The following USP16 variants were observed in gnomAD, a reference collection of about 807,000 sequenced individuals.
USP16 encodes ubiquitin specific peptidase 16.
USP16 carries 77 observed loss-of-function variants against 95.9 expected under a neutral mutation model. The ratio of observed to expected loss-of-function variants is 0.80; its 90% CI spans 0.67 to 0.97. The LOEUF is 0.97. Ranked by LOEUF, USP16 falls within the 50% of genes least tolerant of loss-of-function variation. The probability of loss-of-function intolerance (pLI) is 0.00; values close to 1 mark genes in which losing one functional copy is unlikely to be tolerated. For missense variants in USP16, 943 were observed against 959.9 expected (o/e 0.98, Z 0.23); for synonymous variants, 303 against 318.2 (o/e 0.95, Z 0.51).
chr21:29,039,412 A>G, intron 8 of USP16, 69 bp from the exon 9 acceptor site: 5 of 1,526,848 alleles, frequency 3.3e-6, no homozygotes, highest in Non-Finnish European at 4.5e-6. Context: ...TGATCCTAAG[A>G]TTTTCTAAAA....
rs189284062 is a variant in USP16 at position 29,051,596 on chromosome 21, C to T, written c.2193+1418C>T. ...CTGTAATGCCAACACTTTGGGAGGC[C>T]GAGGCGGGTGGATCACTTGAGGTGA... On this transcript the variant is annotated intron_variant, in intron 16 of 17. Transcript: ENST00000399976. 1.0e-3 allele frequency among the ~76,000 whole-genome samples: 152 copies of T among 152,246 alleles called. 2 individuals are homozygous for T. Among genetic ancestry groups the T allele is most frequent in the African/African-American group, 3.2e-3 (135 of 41,548 alleles).
At chr21:29,031,509 G>C (rs1437008833) in intron 3 of USP16, among the ~76,000 whole-genome samples, 1 of 152,158 alleles carries the variant, frequency 6.6e-6, no homozygotes, top group Non-Finnish European at 1.5e-5. Flanking sequence ...CACAATCTTG[G>C]CTCATGGCAG....
At chr21:29,028,968 C>T (rs1274937522) in intron 2 of USP16, among the ~76,000 whole-genome samples, 1 of 152,206 alleles carries the variant, frequency 6.6e-6, no homozygotes, top group Non-Finnish European at 1.5e-5. Context: ...ATTTTTAAGA[C>T]TCTTTTGATC....
At position 29,030,685 on chromosome 21, in the gene USP16, G is replaced by A; in HGVS notation, c.152G>A (p.Cys51Tyr). 1 of 1,614,036 alleles carries A rather than the reference G, an allele frequency of 6.2e-7. No individual in the cohort carries two copies. ...VNVEWNICQD[C>Y]KTDNKVKDKA... is the part of the protein sequence containing the mutation. ...GTGGAATGGAATATCTGCCAAGACT[G>A]TAAGACTGACAATAAAGTGAAAGAT... Residue 51 changes from cysteine to tyrosine, a missense_variant, in exon 3 of 18, where the codon TGT (cysteine) becomes TAT (tyrosine). Transcript: ENST00000399976.
intron 16 of USP16, among the ~76,000 whole-genome samples, chr21:29,051,628 C>T (rs1418054639): frequency 1.3e-5 from 2 of 152,102 alleles, no homozygotes; most frequent in Admixed American, 6.5e-5. Flanking sequence ...GTGAGGAGTT[C>T]GAGACCAGCC....
chr21:29,051,989 G>A (rs2085422007), intron 16 of USP16: 1 of 152,166 alleles, frequency 6.6e-6, no homozygotes, highest in Non-Finnish European at 1.5e-5. Flanking sequence ...CTGGGTTTGG[G>A]GCATGGCAGG....
rs144197751 is a variant in USP16 at position 29,043,995 on chromosome 21, C to T, written c.1356+396C>T. Among the ~76,000 whole-genome samples the T allele has an allele frequency of 1.5e-3, 223 of 151,902 alleles. 1 individual carries two copies. Among genetic ancestry groups the T allele is most frequent in the African/African-American group, 5.2e-3 (214 of 41,396 alleles). On this transcript the variant is annotated intron_variant, in intron 13 of 17. Transcript: ENST00000399976. The stretch of plus-strand genomic sequence containing the variant: ...TCGCCCAGGCCAGAGTGCAGTGGCA[C>T]GATCTCTGCTCACTGCAACCTCCAT...
chr21:29,041,981 T>C, intron 10 of USP16, 32 bp from the exon 11 acceptor site: 2 of 1,556,330 alleles, frequency 1.3e-6, no homozygotes, highest in Non-Finnish European at 1.8e-6. Flanking sequence ...ATAACGGTAA[T>C]TGGTAATTGA....
intron 3 of USP16, among the ~76,000 whole-genome samples, chr21:29,033,872 T>G (rs2085112847): frequency 6.6e-6 from 1 of 152,206 alleles, no homozygotes; most frequent in Non-Finnish European, 1.5e-5. Flanking sequence ...AGGAGGTGGC[T>G]TTTGAGCAAG....
intron 16 of USP16, chr21:29,053,141 G>GA (rs1231242739): frequency 6.6e-6 from 1 of 152,270 alleles, no homozygotes; most frequent in Non-Finnish European, 1.5e-5. Context: ...TGGAGGCACA[G>GA]ATTGGGAAGC....
chr21:29,026,349 G>A (rs112703052), intron 1 of USP16, among the ~76,000 whole-genome samples: 2,317 of 151,640 alleles, frequency 0.015, 53 homozygotes, highest in African/African-American at 0.053. Context: ...CCAGCTATTC[G>A]GGAGGCTGAG....
intron 13 of USP16, 113 bp from the exon 14 acceptor site, chr21:29,046,554 A>G (rs1309048671): frequency 3.5e-6 from 4 of 1,127,358 alleles, no homozygotes; most frequent in Admixed American, 2.9e-5. Flanking sequence ...ACAAGCAGCA[A>G]AACTGGATAT....
chr21:29,042,582 T>TG, intron 12 of USP16, 54 bp downstream of exon 12: 1 of 1,497,698 alleles, frequency 6.7e-7, no homozygotes, highest in Non-Finnish European at 9.1e-7. Context: ...TGTAAGATTT[T>TG]GTGGGGGGAA....
intron 16 of USP16, among the ~76,000 whole-genome samples, chr21:29,050,989 T>A (rs2085405042): frequency 6.6e-6 from 1 of 152,098 alleles, no homozygotes; most frequent in South Asian, 2.1e-4. Context: ...GATGAGGGCT[T>A]AAAGTTGGGC....
intron 6 of USP16, 130 bp downstream of exon 6, chr21:29,037,593 T>G: frequency 1.2e-6 from 1 of 834,406 alleles, no homozygotes; most frequent in Non-Finnish European, 1.7e-6. Flanking sequence ...TTTTTTTTTT[T>G]TTTTTTTTTT....
chr21:29,036,365 C>T lies in USP16; in HGVS notation c.439C>T (p.Pro147Ser), dbSNP rs1195835425. ...YVRKQASITT[P>S]KPAEKDNGNI... ...CAGAAAACAAGCCAGCATTACAACT[C>T]CAAAGCCAGGTAAAATAATTTGTTT... Residue 147 changes from proline to serine, a missense_variant, in exon 5 of 18, where the codon CCA becomes TCA. By Grantham distance (74) the Pro-to-Ser change is moderately conservative (BLOSUM62 -1). Transcript: ENST00000399976. The T allele has an allele frequency of 1.9e-6, 3 of 1,613,464 alleles. No individual in the cohort carries two copies. The African/African-American group carries it at 4.0e-5, about 22-fold the overall frequency.
At chr21:29,039,343 G>C in intron 8 of USP16, 138 bp from the exon 9 acceptor site, 4 of 1,107,184 alleles carry the variant, frequency 3.6e-6, no homozygotes, top group Non-Finnish European at 3.6e-6. Flanking sequence ...AATCTCCCAA[G>C]GGTGTTAATG....
At chr21:29,030,447 A>T (rs2085060963) in intron 2 of USP16, 148 bp from the exon 3 acceptor site, 1 of 680,786 alleles carries the variant, frequency 1.5e-6, no homozygotes. Context: ...TATTATTCAA[A>T]TATCAAACAA....
intron 16 of USP16, chr21:29,052,491 C>T (rs1156783658): frequency 1.3e-5 from 2 of 152,134 alleles, no homozygotes; most frequent in African/African-American, 4.8e-5. Flanking sequence ...GGCTTATTCA[C>T]TATCAAGAAT....
Sources: allele counts gnomAD v4.1 joint callset (sites outside exome capture counted in the v4.1 genomes callset), GRCh38; gene constraint gnomAD v4.1.1; transcripts MANE v1.5; gene names NCBI Gene and HGNC (gene_info 2026-07-23, HGNC 2026-07-21).